FCHSD2: variants seen among roughly 807,000 people sequenced by gnomAD.
FCHSD2 encodes F-BAR and double SH3 domains protein 2.
A neutral mutation model predicts 108.1 loss-of-function variants in FCHSD2; 38 were observed. The observed-to-expected ratio is 0.35, with a 90% CI of 0.27 to 0.46. FCHSD2 has a LOEUF of 0.46. Among genes scored for constraint, FCHSD2 ranks in the 20% least tolerant of loss-of-function variants. The pLI is 1.00. For missense variants in FCHSD2, 751 were observed against 897.8 expected, an observed-to-expected ratio of 0.84 and a Z score of 2.09; for synonymous variants, 279 against 314.7, an observed-to-expected ratio of 0.89 and a Z score of 1.20.
intron 13 of FCHSD2, among the ~76,000 whole-genome samples, chr11:72,864,206 A>C (rs1212490780): frequency 3.3e-5 from 5 of 152,202 alleles, no homozygotes; most frequent in Admixed American, 6.5e-5. Flanking sequence ...CTATAGTTTG[A>C]AAATGTAAGC....
chr11:72,841,373 A>G, intron 18 of FCHSD2, 81 bp downstream of exon 18: 1 of 760,568 alleles, frequency 1.3e-6, no homozygotes, highest in Non-Finnish European at 2.0e-6. Flanking sequence ...AAGCAAATGC[A>G]GTTTTTTTTT....
At position 72,935,623 on chromosome 11, in the gene FCHSD2, T is replaced by C. The variant is rs1190705811; in HGVS notation, c.706-13673A>G. Among the ~76,000 whole-genome samples, 7 of 152,214 alleles carry C rather than the reference T, an allele frequency of 4.6e-5. No homozygotes were observed. In the East Asian group the frequency reaches 9.6e-4, roughly 21 times the overall value. On this transcript the variant is annotated intron_variant, in intron 8 of 19. Coordinates refer to ENST00000409418, the MANE Select transcript of FCHSD2 (RefSeq NM_014824.3). The stretch of plus-strand genomic sequence containing the variant: ...GCCTAATCAGGTTACAAAGAGAAAG[T>C]AGCTTTTTACAAGAAATCAAAACAA...
intron 4 of FCHSD2, among the ~76,000 whole-genome samples, chr11:73,012,701 T>G (rs1331459371): frequency 6.6e-6 from 1 of 152,180 alleles, no homozygotes; most frequent in Non-Finnish European, 1.5e-5. Context: ...AGTCATTGTA[T>G]AATTCTTCAT....
chr11:72,991,049 A>G (rs1857402170), intron 5 of FCHSD2, among the ~76,000 whole-genome samples: 1 of 152,248 alleles, frequency 6.6e-6, no homozygotes, highest in Non-Finnish European at 1.5e-5. Flanking sequence ...AATCCCACAG[A>G]AATACAAACT....
intron 8 of FCHSD2, among the ~76,000 whole-genome samples, chr11:72,952,351 G>T (rs1455170944): frequency 6.6e-6 from 1 of 151,080 alleles, no homozygotes; most frequent in Non-Finnish European, 1.5e-5. Context: ...TTGAGACAGG[G>T]TCTCACTCTG....
intron 3 of FCHSD2, among the ~76,000 whole-genome samples, chr11:73,022,133 C>T (rs1017657406): frequency 1.4e-4 from 22 of 152,016 alleles, no homozygotes; most frequent in African/African-American, 4.3e-4. Flanking sequence ...CAAAACTAAA[C>T]GACACACATA....
At chr11:73,043,058 C>A (rs1342952075) in intron 3 of FCHSD2, among the ~76,000 whole-genome samples, 1 of 152,176 alleles carries the variant, frequency 6.6e-6, no homozygotes, top group African/African-American at 2.4e-5. Context: ...TTTCTCTTGA[C>A]TGATGCTCTG....
At chr11:72,987,725 G>A (rs1857336968) in intron 6 of FCHSD2, among the ~76,000 whole-genome samples, 1 of 152,134 alleles carries the variant, frequency 6.6e-6, no homozygotes, top group South Asian at 2.1e-4. Flanking sequence ...CCTGTGGGCT[G>A]TGGCTAAATT....
At position 72,909,788 on chromosome 11, in the gene FCHSD2, C is replaced by T. The variant is rs561930730; in HGVS notation, c.829-7150G>A. On this transcript the variant is annotated intron_variant, in intron 9 of 19. Transcript: ENST00000409418. ...CGCCCCATCTGGGAACTGAGGAGCA[C>T]CTCTGCCCGGCCGCCCCGTCTGAGA... Among the ~76,000 whole-genome samples, 9 of 150,158 alleles carry T rather than the reference C, an allele frequency of 6.0e-5. No individual in the cohort carries two copies. In the East Asian group the frequency reaches 1.2e-3, roughly 20 times the overall value.
chr11:72,873,286 G>A (rs867381815), intron 12 of FCHSD2, among the ~76,000 whole-genome samples: 2 of 150,398 alleles, frequency 1.3e-5, no homozygotes, highest in Middle Eastern at 3.2e-3. Flanking sequence ...CCGAGATCGC[G>A]CCACTGCACT....
At chr11:72,861,152 T>C (rs1861562685) in intron 13 of FCHSD2, among the ~76,000 whole-genome samples, 1 of 152,096 alleles carries the variant, frequency 6.6e-6, no homozygotes, top group South Asian at 2.1e-4. Context: ...AATAAACCTC[T>C]AGCAGAATGA....
intron 13 of FCHSD2, among the ~76,000 whole-genome samples, chr11:72,865,395 G>C (rs960168045): frequency 6.6e-6 from 1 of 152,168 alleles, no homozygotes; most frequent in Middle Eastern, 3.2e-3. Context: ...TAATCTCTCA[G>C]TTGAAAGATG....
chr11:73,041,265 A>C (rs997509852), intron 3 of FCHSD2, among the ~76,000 whole-genome samples: 1 of 152,202 alleles, frequency 6.6e-6, no homozygotes, highest in Non-Finnish European at 1.5e-5. Context: ...TTGCTGGATC[A>C]TACGGTAGTT....
intron 3 of FCHSD2, among the ~76,000 whole-genome samples, chr11:73,023,807 G>A (rs1858164583): frequency 6.6e-6 from 1 of 152,108 alleles, no homozygotes; most frequent in South Asian, 2.1e-4. Flanking sequence ...TAATTATAAT[G>A]GAATAGTACT....
intron 2 of FCHSD2, among the ~76,000 whole-genome samples, chr11:73,101,820 A>C (rs1308933698): frequency 6.6e-6 from 1 of 152,134 alleles, no homozygotes; most frequent in African/African-American, 2.4e-5. Flanking sequence ...CCTCAAAAGC[A>C]CTATACTAAG....
At chr11:73,074,449 G>A (rs1472637795) in intron 3 of FCHSD2, among the ~76,000 whole-genome samples, 6 of 152,010 alleles carry the variant, frequency 3.9e-5, no homozygotes, top group Non-Finnish European at 8.8e-5. Flanking sequence ...TATCACATAC[G>A]AAAATTTACT....
At chr11:73,067,152 C>T (rs1002031276) in intron 3 of FCHSD2, among the ~76,000 whole-genome samples, 3 of 152,066 alleles carry the variant, frequency 2.0e-5, no homozygotes, top group African/African-American at 7.2e-5. Flanking sequence ...TACCATGCAG[C>T]CATAAAAAAG....
chr11:73,110,489 G>A (rs955336700), intron 2 of FCHSD2, among the ~76,000 whole-genome samples: 4 of 152,016 alleles, frequency 2.6e-5, no homozygotes, highest in Admixed American at 6.6e-5. Flanking sequence ...GTTGTTCATA[G>A]TACCCATGAA....
chr11:73,070,058 C>A (rs917072763), intron 3 of FCHSD2, among the ~76,000 whole-genome samples: 1 of 152,166 alleles, frequency 6.6e-6, no homozygotes, highest in Non-Finnish European at 1.5e-5. Context: ...ACTTATCAGT[C>A]ACAAGAACTT....
Sources: allele counts gnomAD v4.1 joint callset (sites outside exome capture counted in the v4.1 genomes callset), GRCh38; gene constraint gnomAD v4.1.1; transcripts MANE v1.5; gene names NCBI Gene and HGNC (gene_info 2026-07-23, HGNC 2026-07-21).